Variants in REDIC1 observed in about 807,000 individuals in gnomAD.
REDIC1 encodes HEI10 Interacting Protein 1.
At chr12:39,682,556 T>C in the REDIC1 span, 1 of 1,352,670 alleles carries the variant, frequency 7.4e-7, no homozygotes, top group Non-Finnish European at 9.9e-7. Flanking sequence ...TAAGAGTTTC[T>C]AAATGCAAAT....
the REDIC1 span, among the ~76,000 whole-genome samples, chr12:39,814,855 C>G: frequency 6.6e-6 from 1 of 152,184 alleles, no homozygotes; most frequent in Non-Finnish European, 1.5e-5. Flanking sequence ...GCATATTTCA[C>G]AATATGCATT....
At chr12:39,708,811 T>C in the REDIC1 span, among the ~76,000 whole-genome samples, 1 of 151,878 alleles carries the variant, frequency 6.6e-6, no homozygotes, top group Non-Finnish European at 1.5e-5. Flanking sequence ...ATTATATGCC[T>C]CTTTGCACTT....
At chr12:39,778,459 T>C in the REDIC1 span, among the ~76,000 whole-genome samples, 50 of 151,526 alleles carry the variant, frequency 3.3e-4, no homozygotes, top group South Asian at 1.2e-3. Flanking sequence ...AGGGACGAAG[T>C]TAGTTATTTC....
the REDIC1 span, among the ~76,000 whole-genome samples, chr12:39,650,970 C>G: frequency 6.6e-6 from 1 of 152,120 alleles, no homozygotes; most frequent in African/African-American, 2.4e-5. This position sits in a 1 kb window ranked among gnomAD's most constrained non-coding sequence, Gnocchi z 4.3. Flanking sequence ...TGAATAGAAT[C>G]CCACTTTCAT....
chr12:39,712,910 T>C, the REDIC1 span, among the ~76,000 whole-genome samples: 13 of 147,858 alleles, frequency 8.8e-5, no homozygotes, highest in Admixed American at 6.8e-4. Context: ...TGTATATACG[T>C]ATATACATAT....
At chr12:39,828,636 A>G in the REDIC1 span, among the ~76,000 whole-genome samples, 2 of 152,040 alleles carry the variant, frequency 1.3e-5, no homozygotes, top group Non-Finnish European at 2.9e-5. Context: ...ATTATGTAAA[A>G]TACAGGAAAC....
At chr12:39,638,088 A>AAAAC in the REDIC1 span, among the ~76,000 whole-genome samples, 1 of 152,010 alleles carries the variant, frequency 6.6e-6, no homozygotes, top group African/African-American at 2.4e-5. Context: ...AGAAGCCGAA[A>AAAAC]AAACAAACAA....
At chr12:39,714,330 T>TATATACGTATATACATGC in the REDIC1 span, among the ~76,000 whole-genome samples, 44 of 148,752 alleles carry the variant, frequency 3.0e-4, no homozygotes, top group African/African-American at 1.1e-3. Flanking sequence ...GGCATATATG[T>TATATACGTATATACATGC]ATATATGTCT....
the REDIC1 span, among the ~76,000 whole-genome samples, chr12:39,787,693 CA>C: frequency 6.6e-6 from 1 of 152,040 alleles, no homozygotes; most frequent in South Asian, 2.1e-4. Context: ...TAAATTTTAG[CA>C]TGCAAATGAA....
chr12:39,697,055 A>G, the REDIC1 span, among the ~76,000 whole-genome samples: 1 of 152,300 alleles, frequency 6.6e-6, no homozygotes, highest in East Asian at 1.9e-4. Flanking sequence ...AAAGAAGACT[A>G]CCTCAAGGCA....
At chr12:39,789,986 A>T in the REDIC1 span, among the ~76,000 whole-genome samples, 2 of 152,140 alleles carry the variant, frequency 1.3e-5, no homozygotes, top group African/African-American at 4.8e-5. Context: ...ATTTTCTAGT[A>T]GCCACATTCA....
At chr12:39,808,641 A>G in the REDIC1 span, among the ~76,000 whole-genome samples, 8 of 152,162 alleles carry the variant, frequency 5.3e-5, no homozygotes, top group Non-Finnish European at 1.2e-4. Context: ...GTGCTGTAGC[A>G]TGTCACTATA....
chr12:39,855,157 G>C, the REDIC1 span, among the ~76,000 whole-genome samples: 1 of 152,144 alleles, frequency 6.6e-6, no homozygotes, highest in African/African-American at 2.4e-5. Context: ...TATGGTATTA[G>C]ACTTGCGGCT....
At chr12:39,861,534 C>T in the REDIC1 span, among the ~76,000 whole-genome samples, 3 of 152,008 alleles carry the variant, frequency 2.0e-5, no homozygotes, top group Admixed American at 1.3e-4. Context: ...TTGAGGGAAG[C>T]GTACATAGGA....
At chr12:39,831,124 A>T in the REDIC1 span, among the ~76,000 whole-genome samples, 52 of 152,298 alleles carry the variant, frequency 3.4e-4, no homozygotes, top group Non-Finnish European at 5.9e-4. Flanking sequence ...CAGAGATACT[A>T]AAGATGAATA....
the REDIC1 span, among the ~76,000 whole-genome samples, chr12:39,821,871 C>A: frequency 2.6e-4 from 39 of 151,730 alleles, 1 homozygote. Flanking sequence ...ATCACACGTG[C>A]CAAGAATAGA....
At chr12:39,743,163 G>T in the REDIC1 span, among the ~76,000 whole-genome samples, 52 of 152,304 alleles carry the variant, frequency 3.4e-4, no homozygotes, top group African/African-American at 1.2e-3. Context: ...GTCCTCAAGA[G>T]AAATTGTTTT....
chr12:39,675,564 T>C, the REDIC1 span, among the ~76,000 whole-genome samples: 258 of 152,340 alleles, frequency 1.7e-3, 1 homozygote, highest in African/African-American at 6.0e-3. Flanking sequence ...AAACAACAGC[T>C]AATTCTACCA....
At chr12:39,753,741 T>C in the REDIC1 span, among the ~76,000 whole-genome samples, 2 of 152,164 alleles carry the variant, frequency 1.3e-5, no homozygotes, top group African/African-American at 2.4e-5. Flanking sequence ...CTAACAGTTA[T>C]CCAGTCCTTA....
Sources: allele counts gnomAD v4.1 joint callset (sites outside exome capture counted in the v4.1 genomes callset), GRCh38; gene constraint gnomAD v4.1.1; non-coding constraint Gnocchi (gnomAD v3.1); transcripts MANE v1.5; gene names NCBI Gene and HGNC (gene_info 2026-07-23, HGNC 2026-07-21).